Variants in AFTPH observed in about 807,000 individuals in gnomAD.
AFTPH encodes the protein aftiphilin, also known as aftiphilin protein.
In AFTPH, 7 loss-of-function variants were observed where a neutral mutation model predicts 72.5. The observed-to-expected ratio is 0.10, with a 90% CI of 0.05 to 0.18. The LOEUF (loss-of-function observed/expected upper bound fraction) is 0.18. Among genes scored for constraint, AFTPH ranks in the 10% least tolerant of loss-of-function variants. The pLI, the probability that AFTPH is intolerant of heterozygous loss-of-function variation, is 1.00. For synonymous variants in AFTPH, 337 were observed against 370.1 expected, an observed-to-expected ratio of 0.91 and a Z score of 1.03; for missense variants, 979 against 1,060.5, an observed-to-expected ratio of 0.92 and a Z score of 1.07.
rs1670385338 is a variant in AFTPH, at chr2:64,543,559, TAGAATC to T, written c.-32-7880_-32-7875del. Among the ~76,000 whole-genome samples the T allele has an allele frequency of 2.0e-5, 3 of 152,204 alleles. No individual in the cohort carries two copies. In the South Asian group the frequency reaches 6.2e-4, roughly 31 times the overall value. On this transcript the variant is annotated intron_variant, in intron 1 of 8. Transcript: ENST00000238856. ...TGGAGCTTATTTCTGTATAAGATGT[TAGAATC>T]AGATATTTTTTTTCCTGCCTGTGTG...
intron 1 of AFTPH, among the ~76,000 whole-genome samples, chr2:64,544,523 T>C (rs542041768): frequency 6.6e-6 from 1 of 152,146 alleles, no homozygotes. Flanking sequence ...TTACGAAGGA[T>C]GAAGAAACAT....
chr2:64,567,647 C>A, exon 3 of AFTPH: 1 of 1,613,466 alleles, frequency 6.2e-7, no homozygotes, highest in Non-Finnish European at 8.5e-7. Context: ...GAAGTTACTT[C>A]CCTGAAGCAC....
chr2:64,527,463 C>T (rs1391040199), intron 1 of AFTPH, among the ~76,000 whole-genome samples: 5 of 151,904 alleles, frequency 3.3e-5, no homozygotes, highest in Admixed American at 1.3e-4. Context: ...GCCTATAATC[C>T]CAGCTATTCG....
intron 7 of AFTPH, 24 bp from the exon 8 acceptor site, chr2:64,581,166 C>T: frequency 6.4e-7 from 1 of 1,567,402 alleles, no homozygotes; most frequent in Non-Finnish European, 8.7e-7. Context: ...TGGCTGCCTA[C>T]CAACACGGTC....
intron 1 of AFTPH, among the ~76,000 whole-genome samples, chr2:64,525,327 G>A (rs1669191692): frequency 6.6e-6 from 1 of 152,180 alleles, no homozygotes. Context: ...GGGGTGGTAG[G>A]GTCCTTGCTC....
At chr2:64,579,786 A>G in intron 7 of AFTPH, 1 of 381,450 alleles carries the variant, frequency 2.6e-6, no homozygotes, top group Non-Finnish European at 4.6e-6. Flanking sequence ...TTCAGTCAAA[A>G]GTAAGCTTCT....
intron 6 of AFTPH, among the ~76,000 whole-genome samples, chr2:64,576,157 A>G (rs117187511): frequency 0.015 from 2,058 of 140,246 alleles, 81 homozygotes; most frequent in East Asian, 0.13. Context: ...GTGTGTGTGT[A>G]TGTATATATA....
At chr2:64,531,460 T>A (rs1483541750) in intron 1 of AFTPH, among the ~76,000 whole-genome samples, 1 of 152,232 alleles carries the variant, frequency 6.6e-6, no homozygotes, top group Non-Finnish European at 1.5e-5. Context: ...TTGCATAATT[T>A]AAAATTTTTG....
At chr2:64,527,186 G>C (rs1225894234) in intron 1 of AFTPH, among the ~76,000 whole-genome samples, 1 of 152,208 alleles carries the variant, frequency 6.6e-6, no homozygotes, top group Non-Finnish European at 1.5e-5. Context: ...AAGTTGACTT[G>C]TTAAGAGATT....
intron 1 of AFTPH, among the ~76,000 whole-genome samples, chr2:64,546,805 C>T (rs911203581): frequency 7.3e-5 from 11 of 150,474 alleles, no homozygotes; most frequent in African/African-American, 2.7e-4. Flanking sequence ...GAGGCCAAGG[C>T]GGGCAGATCA....
chr2:64,556,608 C>G (rs921796110), intron 2 of AFTPH, among the ~76,000 whole-genome samples: 16 of 152,090 alleles, frequency 1.1e-4, no homozygotes, highest in African/African-American at 3.6e-4. Context: ...GTCCAGGTCC[C>G]CATTTCTTAG....
intron 6 of AFTPH, among the ~76,000 whole-genome samples, chr2:64,575,500 C>G (rs1048821266): frequency 1.3e-5 from 2 of 151,888 alleles, no homozygotes; most frequent in African/African-American, 4.8e-5. Flanking sequence ...GCCTGTAGTC[C>G]CAGCCTCTAA....
intron 2 of AFTPH, among the ~76,000 whole-genome samples, chr2:64,565,906 C>T (rs183425716): frequency 2.6e-5 from 4 of 152,230 alleles, no homozygotes; most frequent in Non-Finnish European, 4.4e-5. Context: ...GGTGTCTTGA[C>T]ACCTGGCAGT....
intron 1 of AFTPH, among the ~76,000 whole-genome samples, chr2:64,530,537 T>C (rs1486810596): frequency 6.6e-6 from 1 of 152,194 alleles, no homozygotes; most frequent in Non-Finnish European, 1.5e-5. Context: ...TTTTAATGCC[T>C]GGCACAAAGT....
Position 64,538,169 on chromosome 2 carries a change from A to G in AFTPH, c.-32-13274A>G, listed in dbSNP as rs542255892. On this transcript the variant is annotated intron_variant, in intron 1 of 8. Coordinates refer to ENST00000238856, the Ensembl canonical transcript of AFTPH. ...GTAAAATGTATTTCTTCTGTGAGTC[A>G]TAGGGGAAAAATGTGTGAAAAATTC... is the stretch of plus-strand genomic sequence containing the variant. Among the ~76,000 whole-genome samples the G allele has an allele frequency of 5.6e-4, 85 of 152,260 alleles. 1 individual carries two copies. Among genetic ancestry groups the G allele is most frequent in the Admixed American group, 2.7e-3 (42 of 15,300 alleles).
At chr2:64,553,150 C>G in exon 2 of AFTPH, 1 of 1,614,162 alleles carries the variant, frequency 6.2e-7, no homozygotes, top group East Asian at 2.2e-5. Context: ...GATGATTTTG[C>G]AGACTTCAGT....
At chr2:64,525,123 A>G (rs992587666) in intron 1 of AFTPH, among the ~76,000 whole-genome samples, 2 of 152,214 alleles carry the variant, frequency 1.3e-5, no homozygotes, top group Non-Finnish European at 1.5e-5. Context: ...GAATCCTCCA[A>G]CAGGCAGAGG....
intron 2 of AFTPH, among the ~76,000 whole-genome samples, chr2:64,556,095 C>G (rs768094442): frequency 1.3e-5 from 2 of 151,624 alleles, no homozygotes; most frequent in African/African-American, 2.4e-5. Context: ...TCAAGCAGTT[C>G]TCCTGCCTCA....
intron 6 of AFTPH, among the ~76,000 whole-genome samples, chr2:64,575,616 C>G (rs546429176): frequency 6.7e-6 from 1 of 148,726 alleles, no homozygotes; most frequent in South Asian, 2.1e-4. Context: ...AACCCTGCCT[C>G]GAAAAAAAAA....
Sources: gnomAD v4.1 joint callset for allele counts (sites outside exome capture counted in the v4.1 genomes callset) on GRCh38, gnomAD v4.1.1 for gene constraint, MANE v1.5 for transcripts, NCBI Gene and HGNC (gene_info 2026-07-23, HGNC 2026-07-21) for gene names.